GSE1: variants seen among roughly 807,000 people sequenced by gnomAD.
GSE1 encodes the protein Gse1 coiled-coil protein.
A neutral mutation model predicts 112.6 loss-of-function variants in GSE1; 32 were observed. The ratio of observed to expected loss-of-function variants is 0.28; its 90% CI spans 0.21 to 0.38. The LOEUF (loss-of-function observed/expected upper bound fraction) is 0.38, where lower values mean the gene tolerates loss of function less well. Among genes scored for constraint, GSE1 ranks in the 10% least tolerant of loss-of-function variants. GSE1 has a pLI of 1.00. For synonymous variants in GSE1, 1,115 were observed against 735.6 expected (o/e 1.52, Z -8.35); for missense variants, 2,348 against 1,699.2 (o/e 1.38, Z -6.71).
Position 85,175,807 on chromosome 16 carries a change from C to T in GSE1, c.2283+4000C>T, listed in dbSNP as rs145612901. On this transcript the variant is annotated intron_variant, in intron 1 of 2. Transcript: ENST00000637419. ...CACCTGTATTCACACATACTGAAGC[C>T]TCGCCGCAGCCCGGTTTCAGGAGGT... Among the ~76,000 whole-genome samples, 61 of 152,290 alleles carry T rather than the reference C, an allele frequency of 4.0e-4. 1 individual carries two copies. The highest frequency in any genetic ancestry group is 3.5e-3 in the East Asian group (18 of 5,180).
intron 2 of GSE1, among the ~76,000 whole-genome samples, chr16:85,638,868 C>G (rs1382885620): frequency 2.6e-5 from 4 of 152,238 alleles, no homozygotes; most frequent in East Asian, 1.9e-4. Context: ...ATGGCTTCCC[C>G]CCGTCAATGG....
At chr16:85,524,531 C>T (rs1234425350) in intron 2 of GSE1, among the ~76,000 whole-genome samples, 4 of 145,458 alleles carry the variant, frequency 2.7e-5, no homozygotes, top group Non-Finnish European at 3.0e-5. Flanking sequence ...GTCTGCATCT[C>T]GGGCTTGCCA....
At chr16:85,292,421 C>G (rs980803325) in intron 1 of GSE1, among the ~76,000 whole-genome samples, 6 of 151,558 alleles carry the variant, frequency 4.0e-5, no homozygotes, top group Admixed American at 3.9e-4. Context: ...CTCCGCCTCC[C>G]GGGTTCAAGC....
rs184157027 is a variant in GSE1, at chr16:85,381,912, C to T, written c.2464+24269C>T. Among the ~76,000 whole-genome samples, 9 of 152,276 alleles carry T rather than the reference C, an allele frequency of 5.9e-5. No individual in the cohort carries two copies. The South Asian group carries it at 6.2e-4, about 11-fold the overall frequency. ...TGACACCCGCCTGGGGGCATCTCAC[C>T]GGGCTGGGGCCAGGCTTCCAGGCCT... On this transcript the variant is annotated intron_variant, in intron 2 of 2. Transcript: ENST00000637419.
At chr16:85,424,519 G>C (rs2048922829) in intron 2 of GSE1, among the ~76,000 whole-genome samples, 1 of 152,228 alleles carries the variant, frequency 6.6e-6, no homozygotes, top group South Asian at 2.1e-4. Flanking sequence ...AGCCCTGCCT[G>C]GCCCTGGGCA....
intron 3 of GSE1, among the ~76,000 whole-genome samples, chr16:85,652,940 T>G (rs1030242205): frequency 1.3e-5 from 2 of 151,878 alleles, no homozygotes; most frequent in Non-Finnish European, 2.9e-5. Flanking sequence ...TTACCTGACA[T>G]GGCCAGATGG....
At chr16:85,627,535 G>T (rs1312400029) in intron 1 of GSE1, among the ~76,000 whole-genome samples, 1 of 151,962 alleles carries the variant, frequency 6.6e-6, no homozygotes, top group Non-Finnish European at 1.5e-5. Flanking sequence ...GTGGCAGGAA[G>T]GGTTGTCCAG....
At chr16:85,396,457 C>G (rs1246950753) in intron 2 of GSE1, among the ~76,000 whole-genome samples, 1 of 152,264 alleles carries the variant, frequency 6.6e-6, no homozygotes, top group Non-Finnish European at 1.5e-5. Context: ...CTCCCCAGCA[C>G]CCAAGTCTAG....
At chr16:85,510,050 G>A (rs2051680064) in intron 2 of GSE1, among the ~76,000 whole-genome samples, 1 of 152,186 alleles carries the variant, frequency 6.6e-6, no homozygotes, top group Non-Finnish European at 1.5e-5. Context: ...AGGCCAAGCC[G>A]CGCTGAGCAG....
At chr16:85,556,134 C>T (rs2045198046) in exon 1 of GSE1, 5 of 963,358 alleles carry the variant, frequency 5.2e-6, no homozygotes, top group Non-Finnish European at 6.1e-6. Flanking sequence ...TTTTGATCAT[C>T]TTGCGGGGCG....
At chr16:85,235,428 C>G (rs549378412) in intron 1 of GSE1, among the ~76,000 whole-genome samples, 1,272 of 126,394 alleles carry the variant, frequency 0.01, 12 homozygotes, top group Non-Finnish European at 0.015. Context: ...TGGAAGGGTA[C>G]TGTGTGTGTG....
At chr16:85,502,462 G>A (rs554609155) in intron 2 of GSE1, among the ~76,000 whole-genome samples, 28 of 152,320 alleles carry the variant, frequency 1.8e-4, no homozygotes, top group African/African-American at 6.3e-4. Flanking sequence ...TCAGCAGGGA[G>A]CAGTCTGGTT....
chr16:85,415,722 C>T (rs539900871), intron 2 of GSE1, among the ~76,000 whole-genome samples: 74 of 152,382 alleles, frequency 4.9e-4, no homozygotes, highest in African/African-American at 1.7e-3. Flanking sequence ...GGTCGGCCTC[C>T]AGAAACTTAC....
chr16:85,388,292 GTGGATGGATGGA>G (rs760888229), intron 2 of GSE1, among the ~76,000 whole-genome samples: 17,565 of 47,456 alleles, frequency 0.37, 5,894 homozygotes, highest in Non-Finnish European at 0.45. Flanking sequence ...GGATGGGTGG[GTGGATGGATGGA>G]TGGATGGATG....
chr16:85,182,657 C>T (rs866484457), intron 1 of GSE1, among the ~76,000 whole-genome samples: 1 of 152,300 alleles, frequency 6.6e-6, no homozygotes, highest in Middle Eastern at 3.4e-3. Flanking sequence ...TGTCTCTTGG[C>T]AGGTGACAAG....
upstream of GSE1, among the ~76,000 whole-genome samples, chr16:85,552,970 G>C (rs779116051): frequency 6.6e-6 from 1 of 152,210 alleles, no homozygotes; most frequent in African/African-American, 2.4e-5. Context: ...ACTGTTGTTC[G>C]TGTAATCCCG....
chr16:85,450,507 T>A (rs1006426921), intron 2 of GSE1, among the ~76,000 whole-genome samples: 3 of 151,518 alleles, frequency 2.0e-5, no homozygotes, highest in African/African-American at 4.8e-5. Flanking sequence ...TGGAGTGCAG[T>A]GGCCTGATCT....
intron 1 of GSE1, among the ~76,000 whole-genome samples, chr16:85,339,358 C>G (rs2046574587): frequency 6.6e-6 from 1 of 152,174 alleles, no homozygotes; most frequent in Non-Finnish European, 1.5e-5. Context: ...TGTGCTCGCT[C>G]CAGCCGTGAT....
intron 2 of GSE1, among the ~76,000 whole-genome samples, chr16:85,389,039 C>G (rs1158282651): frequency 1.3e-5 from 2 of 152,168 alleles, no homozygotes; most frequent in Non-Finnish European, 2.9e-5. Context: ...ATGGAATGGC[C>G]CTCATTGACT....
Sources: gnomAD v4.1 joint callset for allele counts (sites outside exome capture counted in the v4.1 genomes callset) on GRCh38, gnomAD v4.1.1 for gene constraint, MANE v1.5 for transcripts, NCBI Gene and HGNC (gene_info 2026-07-23, HGNC 2026-07-21) for gene names.